MAPT: variants seen among roughly 807,000 people sequenced by gnomAD.
MAPT encodes microtubule-associated protein tau.
In MAPT, 34 loss-of-function variants were observed where a neutral mutation model predicts 67.9. The observed-to-expected ratio is 0.50, with a 90% CI of 0.38 to 0.67. MAPT has a LOEUF of 0.67. MAPT is among the 30% of genes least tolerant of loss of function. MAPT has a pLI of 0.00. For synonymous variants in MAPT, 456 were observed against 464.5 expected, an observed-to-expected ratio of 0.98 and a Z score of 0.23; for missense variants, 881 against 1,115.2, an observed-to-expected ratio of 0.79 and a Z score of 2.99.
chr17:45,943,492 C>T (rs933074158), intron 1 of MAPT, among the ~76,000 whole-genome samples: 3 of 152,208 alleles, frequency 2.0e-5, no homozygotes, highest in Non-Finnish European at 4.4e-5. Flanking sequence ...TCCCCTGCGA[C>T]TTTCAGAGTG....
intron 8 of MAPT, chr17:45,994,072 C>A: frequency 8.1e-7 from 1 of 1,235,580 alleles, no homozygotes; most frequent in Non-Finnish European, 1.1e-6. Flanking sequence ...CCCTTTTCTG[C>A]AATGCAGGGT....
chr17:45,902,291 G>A (rs1026643690), intron 1 of MAPT, among the ~76,000 whole-genome samples: 3 of 152,024 alleles, frequency 2.0e-5, no homozygotes, highest in Admixed American at 6.5e-5. Flanking sequence ...GGCTGGTCCC[G>A]AACTTCTGAC....
At position 46,022,353 on chromosome 17, in the gene MAPT, C is replaced by CAA. The variant is rs56222318; in HGVS notation, c.2287-1584_2287-1583dup. Among the ~76,000 whole-genome samples the CAA allele has an allele frequency of 8.0e-3, 715 of 89,536 alleles. 12 individuals carry two copies. Among genetic ancestry groups the CAA allele is most frequent in the African/African-American group, 0.023 (499 of 21,636 alleles). 58.7% of individuals were successfully genotyped at this position (89,536 alleles called of 152,430 possible). A position where few individuals can be genotyped will look rare whatever the true frequency, so the allele number is the denominator to read the frequency against. On this transcript the variant is annotated intron_variant, in intron 12 of 12. Coordinates refer to ENST00000262410, the MANE Select transcript of MAPT (RefSeq NM_001377265.1). ...TGGGTGACAAGGTGAATCTTTGTCT[C>CAA]AAAAAAAAAAAAAAAAAAAAGATAA...
At chr17:45,992,272 C>A (rs1253821686) in intron 8 of MAPT, among the ~76,000 whole-genome samples, 1 of 152,216 alleles carries the variant, frequency 6.6e-6, no homozygotes, top group Non-Finnish European at 1.5e-5. Flanking sequence ...GCTCTCGGAG[C>A]CTCTCTGGCC....
chr17:46,022,074 G>A (rs556286415), intron 12 of MAPT, among the ~76,000 whole-genome samples: 1 of 152,230 alleles, frequency 6.6e-6, no homozygotes, highest in South Asian at 2.1e-4. Context: ...ACAGTAACAG[G>A]TCAGGCATGG....
intron 1 of MAPT, among the ~76,000 whole-genome samples, chr17:45,900,239 CCT>C (rs2063526891): frequency 6.6e-6 from 1 of 152,182 alleles, no homozygotes; most frequent in Non-Finnish European, 1.5e-5. Context: ...ACCTGAGAAT[CCT>C]CTGTCTCGCC....
chr17:46,017,395 T>C (rs1189255767), intron 11 of MAPT, among the ~76,000 whole-genome samples: 1 of 149,020 alleles, frequency 6.7e-6, no homozygotes, highest in Non-Finnish European at 1.5e-5. Flanking sequence ...TGCCTCAGCC[T>C]CCTGAGTAGC....
At chr17:45,965,601 A>T (rs1011452649) in intron 2 of MAPT, among the ~76,000 whole-genome samples, 1 of 151,830 alleles carries the variant, frequency 6.6e-6, no homozygotes, top group African/African-American at 2.4e-5. Flanking sequence ...TTTTTAGAAG[A>T]GACGGGGTTT....
chr17:45,972,147 G>A (rs771808098), intron 3 of MAPT: 24 of 693,066 alleles, frequency 3.5e-5, no homozygotes, highest in African/African-American at 5.3e-5. Context: ...CCTTCATCCC[G>A]TGTGTGCTCT....
rs2074382354 is a variant in MAPT, at chr17:45,995,279, C to T, written c.1733-1120C>T. On this transcript the variant is annotated intron_variant, in intron 8 of 12. Transcript: ENST00000262410. The surrounding 1 kb of genome is among the most constrained non-coding windows in gnomAD (Gnocchi z 4.3). ...TCTCAGACTGCAGGGGAGCTAAGCA[C>T]ACCTCGGCACAGGGTGAGGCCTGCG... Among the ~76,000 whole-genome samples, 2 of 152,148 alleles carry T rather than the reference C, an allele frequency of 1.3e-5. No individual in the cohort carries two copies. Among genetic ancestry groups the T allele is most frequent in the Non-Finnish European group, 2.9e-5 (2 of 68,026 alleles).
chr17:46,013,350 G>A (rs1159572192), intron 10 of MAPT, among the ~76,000 whole-genome samples: 3 of 152,220 alleles, frequency 2.0e-5, no homozygotes, highest in African/African-American at 4.8e-5. Context: ...GGACCTGTCT[G>A]TCTGCCACTG....
At chr17:46,020,489 G>C (rs941602323) in intron 12 of MAPT, among the ~76,000 whole-genome samples, 2 of 152,218 alleles carry the variant, frequency 1.3e-5, no homozygotes, top group Non-Finnish European at 1.5e-5. Context: ...CAGCTGACTG[G>C]GGAGTGGTGG....
chr17:45,981,941 G>A (rs1486926239), intron 4 of MAPT, among the ~76,000 whole-genome samples: 4 of 149,714 alleles, frequency 2.7e-5, no homozygotes, highest in African/African-American at 9.8e-5. Context: ...GGTTGTTTGA[G>A]CCCTGGAGTT....
chr17:45,967,045 AC>A (rs1394009984), intron 2 of MAPT, among the ~76,000 whole-genome samples: 1 of 152,224 alleles, frequency 6.6e-6, no homozygotes, highest in Non-Finnish European at 1.5e-5. Flanking sequence ...CACTTTACTA[AC>A]AACATTTTAA....
chr17:45,967,744 C>T (rs1324360404), intron 2 of MAPT, among the ~76,000 whole-genome samples: 2 of 152,134 alleles, frequency 1.3e-5, no homozygotes, highest in Non-Finnish European at 2.9e-5. Flanking sequence ...GGTGGAGTGC[C>T]TTTCTCGGAG....
At chr17:45,947,809 A>G (rs772971311) in intron 1 of MAPT, among the ~76,000 whole-genome samples, 4 of 151,834 alleles carry the variant, frequency 2.6e-5, no homozygotes, top group Admixed American at 2.6e-4. Context: ...TAACCCCTCC[A>G]CATTTCTCTC....
chr17:45,950,882 C>T (rs1255406413), intron 1 of MAPT, among the ~76,000 whole-genome samples: 8 of 152,120 alleles, frequency 5.3e-5, no homozygotes, highest in Non-Finnish European at 1.0e-4. Context: ...AGGCTGGTCT[C>T]GAACTCCTGG....
chr17:46,007,650 C>CA (rs55854064), intron 9 of MAPT, among the ~76,000 whole-genome samples: 13 of 151,514 alleles, frequency 8.6e-5, no homozygotes, highest in African/African-American at 2.2e-4. Context: ...TTATTTTGGT[C>CA]AAAAAAAATA....
At chr17:45,899,870 C>T (rs890555846) in intron 1 of MAPT, among the ~76,000 whole-genome samples, 7 of 152,140 alleles carry the variant, frequency 4.6e-5, no homozygotes, top group African/African-American at 1.7e-4. Context: ...CCTCTTCCCC[C>T]AATCCAGGGT....
Sources: gnomAD v4.1 joint callset for allele counts (sites outside exome capture counted in the v4.1 genomes callset) on GRCh38, gnomAD v4.1.1 for gene constraint, Gnocchi (gnomAD v3.1) non-coding constraint, MANE v1.5 for transcripts, NCBI Gene and HGNC (gene_info 2026-07-23, HGNC 2026-07-21) for gene names.